The following RTF2 variants were observed in gnomAD, a reference collection of about 807,000 sequenced individuals.
The protein encoded by RTF2 is UPF0549 protein C20orf43.
A neutral mutation model predicts 38.0 loss-of-function variants in RTF2; 18 were observed. That is an observed-to-expected ratio of 0.47 (90% CI 0.33 to 0.70). The LOEUF is 0.70. Ranked by LOEUF, RTF2 falls within the 30% of genes least tolerant of loss-of-function variation. RTF2 has a pLI of 0.02. For synonymous variants in RTF2, 126 were observed against 137.1 expected, an observed-to-expected ratio of 0.92 and a Z score of 0.57; for missense variants, 311 against 379.6, an observed-to-expected ratio of 0.82 and a Z score of 1.50.
At chr20:56,488,889 G>T (rs183903517) in intron 5 of RTF2, among the ~76,000 whole-genome samples, 389 of 151,982 alleles carry the variant, frequency 2.6e-3, no homozygotes, top group Non-Finnish European at 3.7e-3. Context: ...CCTGCCTCTC[G>T]GCCTCCCTGC....
At chr20:56,499,872 G>A (rs866861236) in intron 5 of RTF2, among the ~76,000 whole-genome samples, 1 of 152,038 alleles carries the variant, frequency 6.6e-6, no homozygotes, top group Non-Finnish European at 1.5e-5. Context: ...GAGTAGCTGG[G>A]ATTACAGGCA....
chr20:56,501,635 A>G (rs1003320139), intron 5 of RTF2, among the ~76,000 whole-genome samples: 1 of 152,152 alleles, frequency 6.6e-6, no homozygotes, highest in Non-Finnish European at 1.5e-5. Flanking sequence ...GATCACAAAC[A>G]GTTTCTAAAA....
At chr20:56,491,905 A>T (rs891567875) in intron 5 of RTF2, 6 of 669,992 alleles carry the variant, frequency 9.0e-6, no homozygotes, top group Admixed American at 2.8e-5. Flanking sequence ...CAGAGTTCAC[A>T]TCAAACAGCA....
intron 4 of RTF2, among the ~76,000 whole-genome samples, chr20:56,482,830 G>A (rs981076677): frequency 1.3e-5 from 2 of 152,116 alleles, no homozygotes; most frequent in East Asian, 3.8e-4. Flanking sequence ...CTCTCCAGCC[G>A]CGGTGGAGGC....
chr20:56,477,285 A>G (rs1243761186), intron 4 of RTF2, among the ~76,000 whole-genome samples, 161 bp downstream of exon 4: 2 of 152,112 alleles, frequency 1.3e-5, no homozygotes, highest in Non-Finnish European at 2.9e-5. Context: ...GAGCACGTTC[A>G]TTTCCGTCAG....
intron 6 of RTF2, 64 bp from the exon 7 acceptor site, chr20:56,516,871 C>G: frequency 6.7e-7 from 1 of 1,490,060 alleles, no homozygotes; most frequent in Non-Finnish European, 9.4e-7. Context: ...CAATGGGCAG[C>G]CACACTGACG....
At chr20:56,496,808 G>A (rs200535358) in intron 5 of RTF2, 1 of 1,552,022 alleles carries the variant, frequency 6.4e-7, no homozygotes, top group East Asian at 2.4e-5. Flanking sequence ...GGGGTGGTTT[G>A]TCTTTGAATC....
intron 5 of RTF2, among the ~76,000 whole-genome samples, chr20:56,505,986 AT>A (rs1337492383): frequency 6.6e-6 from 1 of 152,194 alleles, no homozygotes; most frequent in African/African-American, 2.4e-5. Flanking sequence ...TGCCATTCAG[AT>A]TAGCATAAGT....
At chr20:56,507,520 A>T (rs1984358826) in intron 5 of RTF2, among the ~76,000 whole-genome samples, 1 of 152,214 alleles carries the variant, frequency 6.6e-6, no homozygotes, top group African/African-American at 2.4e-5. Flanking sequence ...TCTTATTGTC[A>T]GTGGCCAATT....
chr20:56,498,774 A>T (rs1356058351), intron 5 of RTF2, among the ~76,000 whole-genome samples: 1 of 152,176 alleles, frequency 6.6e-6, no homozygotes, highest in Admixed American at 6.5e-5. Flanking sequence ...TTGTTTATGA[A>T]TCTTGACTTG....
At chr20:56,479,500 C>T (rs1269529491) in intron 4 of RTF2, among the ~76,000 whole-genome samples, 2 of 152,198 alleles carry the variant, frequency 1.3e-5, no homozygotes, top group Non-Finnish European at 2.9e-5. Context: ...GCTGGGATTA[C>T]AGGTGTGAGC....
intron 4 of RTF2, among the ~76,000 whole-genome samples, chr20:56,478,126 G>A (rs141559325): frequency 0.011 from 1,604 of 152,226 alleles, 13 homozygotes; most frequent in Middle Eastern, 0.041. Context: ...TTCTATTCCA[G>A]ACTACCACAA....
intron 1 of RTF2, chr20:56,472,434 C>A: frequency 7.0e-7 from 1 of 1,435,920 alleles, no homozygotes; most frequent in Non-Finnish European, 9.6e-7. Flanking sequence ...AAATGTCATT[C>A]GAGGGCCAGG....
chr20:56,493,369 A>G (rs1251685037), intron 5 of RTF2, among the ~76,000 whole-genome samples: 5 of 151,958 alleles, frequency 3.3e-5, no homozygotes, highest in Non-Finnish European at 7.4e-5. Flanking sequence ...TTAATATTAT[A>G]AGTATGGGCC....
intron 5 of RTF2, among the ~76,000 whole-genome samples, chr20:56,513,084 C>T (rs1269177688): frequency 6.6e-6 from 1 of 152,186 alleles, no homozygotes; most frequent in African/African-American, 2.4e-5. Context: ...AATCCAAGTT[C>T]CCAGACACCA....
At chr20:56,491,463 G>A in intron 5 of RTF2, 1 of 792,166 alleles carries the variant, frequency 1.3e-6, no homozygotes, top group Non-Finnish European at 2.1e-6. Context: ...GGAATAGTTT[G>A]TATCAAGGAA....
intron 5 of RTF2, among the ~76,000 whole-genome samples, chr20:56,485,757 T>C (rs1236529554): frequency 1.3e-5 from 2 of 152,240 alleles, no homozygotes; most frequent in Admixed American, 1.3e-4. Context: ...GTGGCTCCCG[T>C]ATTAAGATGA....
At chr20:56,513,859 GA>G (rs1468910569) in intron 6 of RTF2, 1 of 162,002 alleles carries the variant, frequency 6.2e-6, no homozygotes, top group Non-Finnish European at 1.4e-5. Context: ...AAGGAAAAAT[GA>G]AAAGTCACCA....
intron 5 of RTF2, chr20:56,491,665 G>A (rs747698430): frequency 6.4e-7 from 1 of 1,552,176 alleles, no homozygotes; most frequent in South Asian, 1.2e-5. Context: ...GCCGCTCTAA[G>A]CAGGTAACCA....
Sources: gnomAD v4.1 joint callset for allele counts (sites outside exome capture counted in the v4.1 genomes callset) on GRCh38, gnomAD v4.1.1 for gene constraint, MANE v1.5 for transcripts, NCBI Gene and HGNC (gene_info 2026-07-23, HGNC 2026-07-21) for gene names.